The following PKP4 variants were observed in gnomAD, a reference collection of about 807,000 sequenced individuals.
The protein encoded by PKP4 is plakophilin-4.
A neutral mutation model predicts 145.1 loss-of-function variants in PKP4; 90 were observed. That is an observed-to-expected ratio of 0.62 (90% CI 0.52 to 0.74). The LOEUF is 0.74. PKP4 is among the 30% of genes least tolerant of loss of function. The pLI is 0.00. For synonymous variants in PKP4, 563 were observed against 577.2 expected (o/e 0.98, Z 0.35); for missense variants, 1,340 against 1,482.7 (o/e 0.90, Z 1.58).
Position 158,680,443 on chromosome 2 carries a change from T to C in PKP4, c.3345T>C (p.Tyr1115=), listed in dbSNP as rs2058367994. The C allele has an allele frequency of 1.9e-6, 3 of 1,610,454 alleles. No individual in the cohort carries two copies. In the African/African-American group the frequency reaches 4.0e-5, roughly 22 times the overall value. Residue 1115 remains tyrosine, a synonymous_variant, in exon 22 of 22, where the codon TAT becomes TAC. Coordinates refer to ENST00000389759, the MANE Select transcript of PKP4 (RefSeq NM_003628.6). ...QNRRLQHQQL[Y]YSQDDSNRKN... ...TTTGTCAACAGCATCAACAGCTGTA[T>C]TATAGTCAAGATGACTCCAACAGAA...
intron 1 of PKP4, among the ~76,000 whole-genome samples, chr2:158,473,419 C>T (rs183188580): frequency 3.3e-4 from 51 of 152,328 alleles, no homozygotes; most frequent in African/African-American, 9.9e-4. Context: ...AAATGCCCAT[C>T]AGTGGCAGAT....
chr2:158,579,885 C>A lies in PKP4; in HGVS notation c.245+2502C>A, dbSNP rs574053334. Among the ~76,000 whole-genome samples, 7 of 151,798 alleles carry A rather than the reference C, an allele frequency of 4.6e-5. No homozygotes were observed. In the South Asian group the frequency reaches 1.3e-3, roughly 27 times the overall value. On this transcript the variant is annotated intron_variant, in intron 3 of 21. Coordinates refer to ENST00000389759, the MANE Select transcript of PKP4 (RefSeq NM_003628.6). ...TATATATATATTGCTATATATATAG[C>A]AATACTGCATAATAATTAAATAGTA...
intron 1 of PKP4, among the ~76,000 whole-genome samples, chr2:158,481,408 G>A (rs1281418025): frequency 6.6e-6 from 1 of 152,164 alleles, no homozygotes; most frequent in Non-Finnish European, 1.5e-5. Flanking sequence ...TATATACCTA[G>A]GAGAGGAGTT....
chr2:158,581,833 A>C (rs2048358936), intron 3 of PKP4, among the ~76,000 whole-genome samples: 1 of 152,230 alleles, frequency 6.6e-6, no homozygotes, highest in Non-Finnish European at 1.5e-5. Flanking sequence ...CATTTTGAAA[A>C]TCTTAAGATA....
intron 1 of PKP4, among the ~76,000 whole-genome samples, chr2:158,487,180 G>C (rs561705037): frequency 2.0e-5 from 3 of 152,180 alleles, no homozygotes; most frequent in African/African-American, 4.8e-5. Context: ...TGTCAGCTTC[G>C]TGCGATAGTT....
chr2:158,603,015 T>C, intron 3 of PKP4, 55 bp from the exon 4 acceptor site: 2 of 1,132,390 alleles, frequency 1.8e-6, no homozygotes, highest in Non-Finnish European at 2.5e-6. Context: ...GGTCCTAAGC[T>C]AAATTTTATG....
rs1252811141 is a variant in PKP4, at chr2:158,642,632, T to C, written c.1842T>C (p.Gly614=). ...DENKIAMKNV[G]GIPALLRLLR... is the part of the protein sequence containing the mutation. ...ATAAAATAGCAATGAAGAATGTTGG[T>C]GGGATACCTGCCTTGTTGCGACTGT... The change falls in exon 11 of 22, where the codon GGT becomes GGC. Residue 614 remains glycine, a synonymous_variant. Coordinates refer to ENST00000389759, the MANE Select transcript of PKP4 (RefSeq NM_003628.6). The C allele has an allele frequency of 6.2e-7, 1 of 1,613,422 alleles. No individual in the cohort carries two copies. Among genetic ancestry groups the C allele is most frequent in the Non-Finnish European group, 8.5e-7 (1 of 1,179,530 alleles).
chr2:158,532,289 C>T (rs548133553), intron 1 of PKP4, among the ~76,000 whole-genome samples: 8 of 152,244 alleles, frequency 5.3e-5, no homozygotes, highest in East Asian at 1.9e-4. Flanking sequence ...TAGGGTCTCT[C>T]GGGCATCTTA....
Position 158,601,254 on chromosome 2 carries a change from A to G in PKP4, c.246-1816A>G, listed in dbSNP as rs528083999. 1.1e-4 allele frequency among the ~76,000 whole-genome samples: 17 copies of G among 152,314 alleles called. No homozygotes were observed. In the South Asian group the frequency reaches 2.5e-3, roughly 22 times the overall value. On this transcript the variant is annotated intron_variant, in intron 3 of 21. Coordinates refer to ENST00000389759, the MANE Select transcript of PKP4 (RefSeq NM_003628.6). ...AGTCTTGTATTTCATTAAAGTTGAT[A>G]TAAGTTTCAAACTCAGAAGATAAAA...
chr2:158,546,396 G>A (rs2045040639), intron 2 of PKP4, among the ~76,000 whole-genome samples: 1 of 152,172 alleles, frequency 6.6e-6, no homozygotes, highest in Non-Finnish European at 1.5e-5. Flanking sequence ...GGTAAAGATG[G>A]TTAGATGGCA....
At chr2:158,643,074 C>T (rs1366678954) in intron 11 of PKP4, among the ~76,000 whole-genome samples, 1 of 152,106 alleles carries the variant, frequency 6.6e-6, no homozygotes, top group Non-Finnish European at 1.5e-5. Context: ...TTTACGTTAG[C>T]TCAGCTGGTG....
chr2:158,474,749 G>T (rs1304073172), intron 1 of PKP4, among the ~76,000 whole-genome samples: 1 of 152,070 alleles, frequency 6.6e-6, no homozygotes, highest in Admixed American at 6.6e-5. Flanking sequence ...CACACTAGCT[G>T]CTGCTCCCCT....
chr2:158,594,247 T>G (rs2049524026), intron 3 of PKP4, among the ~76,000 whole-genome samples: 1 of 152,146 alleles, frequency 6.6e-6, no homozygotes, highest in Admixed American at 6.5e-5. Context: ...GGAACAGCTA[T>G]AGCCTACATG....
chr2:158,605,521 G>GT (rs985940900), intron 4 of PKP4, among the ~76,000 whole-genome samples: 109 of 151,700 alleles, frequency 7.2e-4, no homozygotes, highest in African/African-American at 2.1e-3. Context: ...TTGCAGGTTT[G>GT]TTTTTTTTAT....
chr2:158,523,699 A>G (rs1287284037), intron 1 of PKP4, among the ~76,000 whole-genome samples: 2 of 133,136 alleles, frequency 1.5e-5, no homozygotes, highest in African/African-American at 3.1e-5. Flanking sequence ...ACGGGAGGAC[A>G]TTCAAACCAA....
At chr2:158,638,960 T>A (rs2054041860) in intron 9 of PKP4, among the ~76,000 whole-genome samples, 1 of 152,162 alleles carries the variant, frequency 6.6e-6, no homozygotes, top group African/African-American at 2.4e-5. Flanking sequence ...CTATGTCACA[T>A]CCTCTTACTC....
intron 3 of PKP4, among the ~76,000 whole-genome samples, chr2:158,592,044 A>AT (rs2105820974): frequency 6.6e-6 from 1 of 152,190 alleles, no homozygotes; most frequent in East Asian, 1.9e-4. Flanking sequence ...GTGTTTATGG[A>AT]TCACACACTG....
At chr2:158,457,808 C>T (rs1286018582) in intron 1 of PKP4, 1 of 153,508 alleles carries the variant, frequency 6.5e-6, no homozygotes, top group Non-Finnish European at 1.4e-5. Context: ...ACCCCTCTGC[C>T]TAGTGCGCCC....
At chr2:158,631,412 C>A (rs2053349279) in intron 7 of PKP4, among the ~76,000 whole-genome samples, 1 of 151,990 alleles carries the variant, frequency 6.6e-6, no homozygotes, top group Non-Finnish European at 1.5e-5. Flanking sequence ...GAGACAGGGC[C>A]TCACCTGGTC....
Sources: allele counts gnomAD v4.1 joint callset (sites outside exome capture counted in the v4.1 genomes callset), GRCh38; gene constraint gnomAD v4.1.1; transcripts MANE v1.5; gene names NCBI Gene and HGNC (gene_info 2026-07-23, HGNC 2026-07-21).